TP53BP2: variants seen among roughly 807,000 people sequenced by gnomAD.
The protein encoded by TP53BP2 is apoptosis-stimulating of p53 protein 2.
Under a neutral mutation model 126.2 loss-of-function variants are expected in TP53BP2, and 62 were observed. That is an observed-to-expected ratio of 0.49 (90% CI 0.40 to 0.61). TP53BP2 has a LOEUF of 0.61. Ranked by LOEUF, TP53BP2 falls within the 20% of genes least tolerant of loss-of-function variation. The pLI, the probability that TP53BP2 is intolerant of heterozygous loss-of-function variation, is 0.00. For synonymous variants in TP53BP2, 485 were observed against 502.9 expected (o/e 0.96, Z 0.48); for missense variants, 1,215 against 1,402.8 (o/e 0.87, Z 2.14).
intron 2 of TP53BP2, 21 bp downstream of exon 2, chr1:223,821,199 G>A (rs780770233): frequency 1.4e-5 from 22 of 1,613,748 alleles, no homozygotes; most frequent in Admixed American, 5.0e-5. Context: ...ACTAAAGCAC[G>A]AGGCTGTCAG....
At chr1:223,786,881 T>C (rs141860238) in intron 16 of TP53BP2, among the ~76,000 whole-genome samples, 2,077 of 151,480 alleles carry the variant, frequency 0.014, 41 homozygotes, top group African/African-American at 0.045. Flanking sequence ...GCTGGGATTA[T>C]AGGCGTGAGC....
chr1:223,835,076 G>A lies in TP53BP2; in HGVS notation c.27+10578C>T, dbSNP rs544036598. On this transcript the variant is annotated intron_variant, in intron 1 of 17. Transcript: ENST00000343537. ...TGTTGGACTGAACTGAAACTGTGAC[G>A]CAGGGATTCAAAGTTCCACGAAGAG... Among the ~76,000 whole-genome samples the A allele has an allele frequency of 1.1e-4, 17 of 152,304 alleles. No individual in the cohort carries two copies. The South Asian group carries it at 3.3e-3, about 30-fold the overall frequency.
chr1:223,792,528 T>C lies in TP53BP2; in HGVS notation c.2863-6A>G, dbSNP rs761671706. ...GGGAGGCTTGGGTCATCAACCTATA[T>C]CAAGAAGAAGGGTGAGCATCACTCT... On this transcript the variant is annotated splice_region_variant and splice_polypyrimidine_tract_variant and intron_variant, in intron 14 of 17. Transcript: ENST00000343537. The C allele has an allele frequency of 3.7e-6, 6 of 1,613,678 alleles. No homozygotes were observed. In the South Asian group the frequency reaches 5.5e-5, roughly 15 times the overall value.
At chr1:223,809,133 T>C (rs1259135993) in intron 4 of TP53BP2, among the ~76,000 whole-genome samples, 1 of 152,164 alleles carries the variant, frequency 6.6e-6, no homozygotes, top group Non-Finnish European at 1.5e-5. Context: ...GCCTCAAACT[T>C]CTGGCTTCAA....
Position 223,831,495 on chromosome 1 carries a change from AT to A in TP53BP2, c.28-10129del, listed in dbSNP as rs1397382893. ...AAAAAAAAAAAATATATATATATAT[AT>A]ATATATATATATATATATATACTGA... On this transcript the variant is annotated intron_variant, in intron 1 of 17. Transcript: ENST00000343537. 8.7e-5 allele frequency among the ~76,000 whole-genome samples: 9 copies of A among 103,602 alleles called. No homozygotes were observed. The East Asian group carries it at 1.9e-3, about 21-fold the overall frequency. 68.0% of individuals were successfully genotyped at this position (103,602 alleles called of 152,430 possible). A position where few individuals can be genotyped will look rare whatever the true frequency, so the allele number is the denominator to read the frequency against.
chr1:223,784,860 G>T (rs1271734405), intron 16 of TP53BP2, among the ~76,000 whole-genome samples: 1 of 152,120 alleles, frequency 6.6e-6, no homozygotes, highest in African/African-American at 2.4e-5. Context: ...CAAAAATATG[G>T]CATTTTAGAC....
intron 3 of TP53BP2, among the ~76,000 whole-genome samples, chr1:223,812,651 CCT>C (rs768258127): frequency 1.3e-5 from 2 of 152,196 alleles, no homozygotes; most frequent in South Asian, 2.1e-4. Context: ...CCGCCAACTC[CCT>C]GATTCAAGCG....
intron 1 of TP53BP2, among the ~76,000 whole-genome samples, chr1:223,823,288 G>C (rs1477413443): frequency 6.6e-6 from 1 of 152,120 alleles, no homozygotes; most frequent in Non-Finnish European, 1.5e-5. Flanking sequence ...ACCGGATTAG[G>C]GATGATGATG....
intron 12 of TP53BP2, among the ~76,000 whole-genome samples, chr1:223,797,187 C>G (rs1662353280): frequency 1.3e-5 from 2 of 152,108 alleles, no homozygotes; most frequent in African/African-American, 2.4e-5. Context: ...ATTATGGCAT[C>G]TTAGGTCACA....
chr1:223,810,331 C>T, intron 4 of TP53BP2, 100 bp downstream of exon 4: 1 of 854,280 alleles, frequency 1.2e-6, no homozygotes, highest in South Asian at 2.5e-5. Flanking sequence ...AAGCGGCCAT[C>T]CTTAGCCCAT....
rs115143280 is a variant in TP53BP2, at chr1:223,811,823, G to A, written c.290-1310C>T. On this transcript the variant is annotated intron_variant, in intron 3 of 17. Coordinates refer to ENST00000343537, the MANE Select transcript of TP53BP2 (RefSeq NM_001031685.3). ...TGTTTTATCCCAATTTCAACACTAT[G>A]TGGCACTGGTGTTTTGTGACAACGT... Among the ~76,000 whole-genome samples, 924 of 152,308 alleles carry A rather than the reference G, an allele frequency of 6.1e-3. 5 individuals carry two copies. Among genetic ancestry groups the A allele is most frequent in the African/African-American group, 0.021 (883 of 41,558 alleles).
At chr1:223,799,826 A>G (rs964778152) in intron 11 of TP53BP2, 73 bp downstream of exon 11, 26 of 1,371,810 alleles carry the variant, frequency 1.9e-5, no homozygotes, top group Middle Eastern at 3.8e-4. Context: ...CCCTCACACA[A>G]TACTTTATCC....
At chr1:223,795,289 G>A (rs548384881) in intron 13 of TP53BP2, among the ~76,000 whole-genome samples, 2 of 152,256 alleles carry the variant, frequency 1.3e-5, no homozygotes, top group African/African-American at 4.8e-5. Flanking sequence ...GGCTGAAGAG[G>A]GGCCCCTCAG....
chr1:223,829,020 G>A (rs1663602793), intron 1 of TP53BP2, among the ~76,000 whole-genome samples: 4 of 152,082 alleles, frequency 2.6e-5, no homozygotes, highest in Admixed American at 2.6e-4. Context: ...CGTATGCTTA[G>A]TATGTGAGAG....
chr1:223,831,413 A>G (rs1365226317), intron 1 of TP53BP2, among the ~76,000 whole-genome samples: 1 of 145,246 alleles, frequency 6.9e-6, no homozygotes, highest in Admixed American at 6.9e-5. Context: ...AAAAAAAAAA[A>G]AAGTAAAAAT....
At chr1:223,788,945 A>G in intron 16 of TP53BP2, 63 bp downstream of exon 16, 1 of 1,537,180 alleles carries the variant, frequency 6.5e-7, no homozygotes, top group South Asian at 1.2e-5. Context: ...ATTGAATTAT[A>G]CCCTGGAGAT....
rs1310372484 is a variant in TP53BP2, at chr1:223,800,794, T to C, written c.1242A>G (p.Pro414=). 1 of 1,606,226 alleles carries C rather than the reference T, an allele frequency of 6.2e-7. No individual in the cohort carries two copies. Among genetic ancestry groups the C allele is most frequent in the Non-Finnish European group, 8.5e-7 (1 of 1,178,046 alleles). ...TTGAAGGACTCCAATCAGGGCCAAC[T>C]GGATGGATTTTAGAGCCTAAAATAC... ...ASQTKGSKIH[P]VGPDWSPSNA... is the part of the protein sequence containing the mutation. The change falls in exon 10 of 18, where the codon CCA becomes CCG. Residue 414 remains proline, a synonymous_variant. Coordinates refer to ENST00000343537, the MANE Select transcript of TP53BP2 (RefSeq NM_001031685.3).
intron 9 of TP53BP2, among the ~76,000 whole-genome samples, chr1:223,801,547 A>C (rs2102851912): frequency 6.6e-6 from 1 of 152,328 alleles, no homozygotes; most frequent in South Asian, 2.1e-4. Context: ...TCCCATTACA[A>C]AACTATGGCT....
rs1321105484 is a variant in TP53BP2 at position 223,821,374 on chromosome 1, A to G, written c.28-7T>C. Reference sequence around the variant, plus strand: ...GATACACGGTAAGAAACATCTAAAAATTAAGAGAGAAACACATGGTTACTG... The same window carrying G: ...GATACACGGTAAGAAACATCTAAAAGTTAAGAGAGAAACACATGGTTACTG... On this transcript the variant is annotated splice_region_variant and splice_polypyrimidine_tract_variant and intron_variant, in intron 1 of 17. Coordinates refer to ENST00000343537, the MANE Select transcript of TP53BP2 (RefSeq NM_001031685.3). 4 of 1,614,044 alleles carry G rather than the reference A, an allele frequency of 2.5e-6. No individual in the cohort carries two copies. Among genetic ancestry groups the G allele is most frequent in the Non-Finnish European group, 3.4e-6 (4 of 1,179,876 alleles).
Sources: allele counts gnomAD v4.1 joint callset (sites outside exome capture counted in the v4.1 genomes callset), GRCh38; gene constraint gnomAD v4.1.1; transcripts MANE v1.5; gene names NCBI Gene and HGNC (gene_info 2026-07-23, HGNC 2026-07-21).